MAGI1: variants seen among roughly 807,000 people sequenced by gnomAD.
MAGI1 encodes the protein membrane associated guanylate kinase, WW and PDZ domain containing 1.
A neutral mutation model predicts 139.9 loss-of-function variants in MAGI1; 58 were observed. That is an observed-to-expected ratio of 0.41 (90% confidence interval 0.34 to 0.52). The LOEUF (loss-of-function observed/expected upper bound fraction) is 0.52, where lower values mean the gene tolerates loss of function less well. MAGI1 is among the 20% of genes least tolerant of loss of function. The pLI, the probability that MAGI1 is intolerant of heterozygous loss-of-function variation, is 0.12. For synonymous variants in MAGI1, 812 were observed against 737.9 expected (o/e 1.10, Z -1.63); for missense variants, 1,874 against 1,901.6 (o/e 0.99, Z 0.27).
At chr3:65,708,083 AT>A (rs1320738608) in intron 1 of MAGI1, among the ~76,000 whole-genome samples, 1 of 152,212 alleles carries the variant, frequency 6.6e-6, no homozygotes, top group Non-Finnish European at 1.5e-5. Flanking sequence ...AATCACCCCT[AT>A]AAATGTAACC....
chr3:65,580,318 C>CT (rs35237934), intron 2 of MAGI1, among the ~76,000 whole-genome samples: 76,835 of 148,720 alleles, frequency 0.52, 20,073 homozygotes, highest in East Asian at 0.81. Context: ...CTTTTTTCTC[C>CT]TTTTTTTTTT....
intron 1 of MAGI1, among the ~76,000 whole-genome samples, chr3:65,828,728 A>G (rs1279680411): frequency 2.0e-5 from 3 of 152,186 alleles, no homozygotes; most frequent in Non-Finnish European, 4.4e-5. Context: ...AAGGGTATGG[A>G]CCTTGAGATA....
intron 1 of MAGI1, among the ~76,000 whole-genome samples, chr3:65,862,388 T>C (rs540240669): frequency 6.4e-4 from 98 of 152,204 alleles, no homozygotes; most frequent in Non-Finnish European, 1.2e-3. Context: ...TAATTACTCA[T>C]GCCTTCCCCA....
intron 18 of MAGI1, among the ~76,000 whole-genome samples, chr3:65,373,023 T>C (rs1942155704): frequency 6.6e-6 from 1 of 152,252 alleles, no homozygotes; most frequent in East Asian, 1.9e-4. Context: ...GGAGTGGCAC[T>C]TTTAATTTCC....
At chr3:65,904,504 C>T (rs1325319829) in intron 1 of MAGI1, among the ~76,000 whole-genome samples, 1 of 152,192 alleles carries the variant, frequency 6.6e-6, no homozygotes, top group Non-Finnish European at 1.5e-5. Flanking sequence ...GCCTCTGCTG[C>T]CCTTCCCAAC....
intron 1 of MAGI1, among the ~76,000 whole-genome samples, chr3:65,734,068 C>A (rs1280165104): frequency 6.6e-6 from 1 of 152,172 alleles, no homozygotes. Flanking sequence ...AAAAGAAGAA[C>A]ATCGTCTCAG....
intron 2 of MAGI1, among the ~76,000 whole-genome samples, chr3:65,561,038 A>G (rs1315178011): frequency 6.6e-6 from 1 of 152,180 alleles, no homozygotes; most frequent in Non-Finnish European, 1.5e-5. Context: ...AAGCTGTCCA[A>G]GGCACTTAGA....
At chr3:65,858,082 C>G (rs1350636352) in intron 1 of MAGI1, among the ~76,000 whole-genome samples, 4 of 151,508 alleles carry the variant, frequency 2.6e-5, no homozygotes, top group Admixed American at 6.6e-5. Context: ...GCACTCCAGC[C>G]TGGGTGACAG....
rs145003934 is a variant in MAGI1, at chr3:65,923,694, G to T, written c.313+114302C>A. Among the ~76,000 whole-genome samples, 276 of 152,274 alleles carry T rather than the reference G, an allele frequency of 1.8e-3. 1 individual carries two copies. The highest frequency in any genetic ancestry group is 6.2e-3 in the African/African-American group (259 of 41,562). On this transcript the variant is annotated intron_variant, in intron 1 of 22. Coordinates refer to ENST00000402939, the MANE Select transcript of MAGI1 (RefSeq NM_001033057.2). ...CTTTAAGTGAGATGAGAGTTAACAA[G>T]GAGACATTAAGGCTGCTATGGGAGA...
intron 1 of MAGI1, among the ~76,000 whole-genome samples, chr3:65,964,445 A>G (rs533836122): frequency 6.6e-6 from 1 of 152,252 alleles, no homozygotes; most frequent in African/African-American, 2.4e-5. Flanking sequence ...AGAACACTTC[A>G]TAGAACAGGG....
chr3:65,753,603 C>G (rs1329665882), intron 1 of MAGI1, among the ~76,000 whole-genome samples: 1 of 151,686 alleles, frequency 6.6e-6, no homozygotes, highest in Non-Finnish European at 1.5e-5. Flanking sequence ...TGCCTGTAAT[C>G]CCAGCTACTC....
chr3:65,776,482 T>C (rs1383239405), intron 1 of MAGI1, among the ~76,000 whole-genome samples: 3 of 152,170 alleles, frequency 2.0e-5, no homozygotes, highest in African/African-American at 4.8e-5. Flanking sequence ...TTGTCAAATA[T>C]ATTAAATTAT....
intron 2 of MAGI1, among the ~76,000 whole-genome samples, chr3:65,580,233 T>C (rs1045717715): frequency 3.3e-5 from 5 of 152,188 alleles, no homozygotes; most frequent in African/African-American, 1.2e-4. Flanking sequence ...ATTCTGTACA[T>C]GTACATACAA....
chr3:65,532,393 G>A (rs1165219405), intron 2 of MAGI1, among the ~76,000 whole-genome samples: 11 of 152,098 alleles, frequency 7.2e-5, no homozygotes, highest in East Asian at 1.9e-4. Context: ...TCATTCTCCC[G>A]TGCTTTCGAA....
intron 17 of MAGI1, among the ~76,000 whole-genome samples, chr3:65,376,353 T>C (rs545352322): frequency 9.2e-5 from 14 of 152,312 alleles, no homozygotes; most frequent in African/African-American, 2.4e-4. Flanking sequence ...TCTGTGTTCA[T>C]GTCACTTCAT....
chr3:65,498,288 GA>G lies in MAGI1; in HGVS notation c.431-4658del, dbSNP rs56780794. ...GACAGCGTACTAATATAAAAAAAAA[GA>G]AAAAAAAAAGCGACCAGGCTGACAA... On this transcript the variant is annotated intron_variant, in intron 2 of 22. Transcript: ENST00000402939. Among the ~76,000 whole-genome samples, 12 of 143,688 alleles carry G rather than the reference GA, an allele frequency of 8.4e-5. No individual in the cohort carries two copies. In the South Asian group the frequency reaches 1.2e-3, roughly 14 times the overall value. 94.3% of individuals were successfully genotyped at this position (143,688 alleles called of 152,430 possible).
intron 1 of MAGI1, among the ~76,000 whole-genome samples, chr3:65,929,834 A>T (rs1373862201): frequency 1.8e-4 from 28 of 152,156 alleles, no homozygotes; most frequent in Non-Finnish European, 1.5e-5. Context: ...GTTACACCAA[A>T]GGCCTGTGGA....
intron 5 of MAGI1, among the ~76,000 whole-genome samples, chr3:65,469,175 G>C (rs1192169003): frequency 2.0e-5 from 3 of 152,030 alleles, no homozygotes; most frequent in Non-Finnish European, 4.4e-5. Context: ...ATAGATGTAG[G>C]ATATGTGTGT....
In MAGI1 at chr3:65,862,374, A is replaced by T. The variant is rs890587162; in HGVS notation, c.313+175622T>A. 1.2e-4 allele frequency among the ~76,000 whole-genome samples: 19 copies of T among 152,302 alleles called. 1 individual carries two copies. The highest frequency in any genetic ancestry group is 8.5e-4 in the Admixed American group (13 of 15,296). On this transcript the variant is annotated intron_variant, in intron 1 of 22. Coordinates refer to ENST00000402939, the MANE Select transcript of MAGI1 (RefSeq NM_001033057.2). ...TACTCAATAAATGTTAGACTTCATT[A>T]ATCTAATTACTCATGCCTTCCCCAT...
Sources: gnomAD v4.1 joint callset for allele counts (sites outside exome capture counted in the v4.1 genomes callset) on GRCh38, gnomAD v4.1.1 for gene constraint, MANE v1.5 for transcripts, NCBI Gene and HGNC (gene_info 2026-07-23, HGNC 2026-07-21) for gene names.